MYH11: variants seen among roughly 807,000 people sequenced by gnomAD.
The protein encoded by MYH11 is myosin heavy chain 11.
Under a neutral mutation model 246.6 loss-of-function variants are expected in MYH11, and 80 were observed. The ratio of observed to expected loss-of-function variants is 0.32; its 90% CI spans 0.27 to 0.39. The LOEUF (loss-of-function observed/expected upper bound fraction) is 0.39, where lower values mean the gene tolerates loss of function less well. MYH11 is among the 10% of genes least tolerant of loss of function. The pLI, the probability that MYH11 is intolerant of heterozygous loss-of-function variation, is 1.00. For synonymous variants in MYH11, 1,071 were observed against 1,015.5 expected, an observed-to-expected ratio of 1.05 and a Z score of -1.04; for missense variants, 2,158 against 2,546.8, an observed-to-expected ratio of 0.85 and a Z score of 3.29.
At chr16:15,847,955 G>A (rs535388979) in intron 1 of MYH11, among the ~76,000 whole-genome samples, 10 of 152,178 alleles carry the variant, frequency 6.6e-5, no homozygotes, top group Admixed American at 2.0e-4. Context: ...AAACAGTGGC[G>A]CAGTCAAGGT....
intron 19 of MYH11, among the ~76,000 whole-genome samples, chr16:15,746,691 C>T (rs1199837213): frequency 6.6e-6 from 1 of 152,152 alleles, no homozygotes; most frequent in Non-Finnish European, 1.5e-5. Context: ...CTTCACAGAA[C>T]AGCTGGGACA....
intron 3 of MYH11, among the ~76,000 whole-genome samples, chr16:15,799,740 C>T (rs1472134260): frequency 1.3e-5 from 2 of 152,208 alleles, no homozygotes; most frequent in African/African-American, 2.4e-5. Context: ...GTAGACAATG[C>T]CACAGTGGCA....
At position 15,748,133 on chromosome 16, in the gene MYH11, C is replaced by T; in HGVS notation, c.2094G>A (p.Gln698=). ...GKLDAFLVLE[Q]LRCNGVLEGI... is the part of the protein sequence containing the mutation. ...CTTCCAGCACCCCATTGCACCGCAG[C>T]TGCTCCAGCACCAGGAACGCATCCA... Residue 698 remains glutamine, a synonymous_variant, in exon 17 of 41, where the codon CAG becomes CAA. Coordinates refer to ENST00000300036, the MANE Select transcript of MYH11 (RefSeq NM_002474.3). The T allele has an allele frequency of 6.2e-7, 1 of 1,614,078 alleles. No homozygotes were observed. Among genetic ancestry groups the T allele is most frequent in the Non-Finnish European group, 8.5e-7 (1 of 1,180,034 alleles).
intron 2 of MYH11, among the ~76,000 whole-genome samples, chr16:15,830,543 G>A (rs924858236): frequency 2.6e-5 from 4 of 152,136 alleles, no homozygotes; most frequent in Non-Finnish European, 4.4e-5. Flanking sequence ...CCATTTTGGA[G>A]GGGTGCAGGA....
At chr16:15,763,741 T>TCCCG in intron 10 of MYH11, 55 bp downstream of exon 10, 11 of 646,850 alleles carry the variant, frequency 1.7e-5, no homozygotes, top group Non-Finnish European at 2.6e-5. Context: ...AAATGTCACC[T>TCCCG]CCCCCACCCC....
At chr16:15,785,004 C>G (rs1177315329) in intron 5 of MYH11, 5 of 95,358 alleles carry the variant, frequency 5.2e-5, no homozygotes, top group East Asian at 1.8e-4. Flanking sequence ...AGCTAATTCT[C>G]TTGATTTTTT....
At chr16:15,775,879 T>G in intron 8 of MYH11, 199 bp downstream of exon 8, 1 of 634,006 alleles carries the variant, frequency 1.6e-6, no homozygotes, top group African/African-American at 1.8e-5. Flanking sequence ...ACATAGTAGG[T>G]GCTCAGTAAA....
At chr16:15,704,659 CAG>C (rs1043158380) in intron 40 of MYH11, among the ~76,000 whole-genome samples, 2 of 152,148 alleles carry the variant, frequency 1.3e-5, no homozygotes, top group African/African-American at 4.8e-5. Flanking sequence ...GAGAAGGACA[CAG>C]AGGGGCTCCC....
chr16:15,780,094 C>T (rs898816841), intron 6 of MYH11, among the ~76,000 whole-genome samples: 22 of 152,236 alleles, frequency 1.4e-4, no homozygotes, highest in Admixed American at 1.3e-4. Context: ...ATGGCAGGGA[C>T]GCCAGTGAGT....
chr16:15,761,197 G>A (rs533571123), intron 10 of MYH11, among the ~76,000 whole-genome samples: 4 of 151,860 alleles, frequency 2.6e-5, no homozygotes, highest in African/African-American at 7.2e-5. Flanking sequence ...TGCAACCTCC[G>A]CCTTCCGGGT....
chr16:15,747,791 C>A (rs1313377413), intron 18 of MYH11, 61 bp from the exon 19 acceptor site: 2 of 1,612,794 alleles, frequency 1.2e-6, no homozygotes, highest in Admixed American at 3.3e-5. Flanking sequence ...CCAGTGATGA[C>A]ATGGGTAAGA....
intron 2 of MYH11, among the ~76,000 whole-genome samples, chr16:15,836,779 C>T (rs2043909767): frequency 7.3e-6 from 1 of 136,412 alleles, no homozygotes; most frequent in Non-Finnish European, 1.5e-5. Context: ...GGCTGGAGTG[C>T]AACGGCACCA....
At chr16:15,763,741 T>TGGGGGGGCCCCCCCCCCC in intron 10 of MYH11, 55 bp downstream of exon 10, 2 of 646,852 alleles carry the variant, frequency 3.1e-6, no homozygotes, top group Non-Finnish European at 2.9e-6. Flanking sequence ...AAATGTCACC[T>TGGGGGGGCCCCCCCCCCC]CCCCCACCCC....
At chr16:15,815,104 T>C (rs2043233931) in intron 3 of MYH11, among the ~76,000 whole-genome samples, 1 of 152,182 alleles carries the variant, frequency 6.6e-6, no homozygotes, top group Non-Finnish European at 1.5e-5. Flanking sequence ...GGTAGCCCAG[T>C]GCTTTCATAT....
At chr16:15,829,924 C>A (rs1424451729) in intron 2 of MYH11, among the ~76,000 whole-genome samples, 1 of 152,116 alleles carries the variant, frequency 6.6e-6, no homozygotes, top group African/African-American at 2.4e-5. Context: ...CACCTGAGGT[C>A]AAGAGTTCGA....
chr16:15,788,821 T>G (rs969896172), intron 4 of MYH11, among the ~76,000 whole-genome samples: 8 of 112,806 alleles, frequency 7.1e-5, no homozygotes, highest in African/African-American at 2.7e-4. Context: ...TGTGTGTGTG[T>G]GTGTGTGTGT....
At chr16:15,822,584 C>T (rs12920280) in intron 3 of MYH11, among the ~76,000 whole-genome samples, 17,519 of 152,032 alleles carry the variant, frequency 0.12, 1,049 homozygotes, top group African/African-American at 0.14. Flanking sequence ...ACATGACAGT[C>T]CACACCTATA....
rs367722229 is a variant in MYH11 at position 15,758,035 on chromosome 16, C to T, written c.1402-35G>A. 1.9e-6 allele frequency: 3 copies of T among 1,612,332 alleles called. No individual in the cohort carries two copies. The African/African-American group carries it at 4.0e-5, about 22-fold the overall frequency. On this transcript the variant is annotated intron_variant, in intron 12 of 40. Coordinates refer to ENST00000300036, the MANE Select transcript of MYH11 (RefSeq NM_002474.3). ...TGGCGTGGGGGCGGGGCGTGAGCAT[C>T]TTGGTATGAAGTCAGAAGACAAGGA...
chr16:15,851,983 C>T (rs959626245), intron 1 of MYH11, among the ~76,000 whole-genome samples: 1 of 152,134 alleles, frequency 6.6e-6, no homozygotes, highest in African/African-American at 2.4e-5. Context: ...GGTCCCCAAC[C>T]CTTGTGCTGC....
Sources: gnomAD v4.1 joint callset for allele counts (sites outside exome capture counted in the v4.1 genomes callset) on GRCh38, gnomAD v4.1.1 for gene constraint, MANE v1.5 for transcripts, NCBI Gene and HGNC (gene_info 2026-07-23, HGNC 2026-07-21) for gene names.